Variants in ASIC5 observed in about 807,000 individuals in gnomAD.
ASIC5 encodes the protein acid sensing ion channel subunit family member 5.
Under a neutral mutation model 51.2 loss-of-function variants are expected in ASIC5, and 52 were observed. The ratio of observed to expected loss-of-function variants is 1.02; its 90% CI spans 0.81 to 1.28. ASIC5 has a LOEUF of 1.28. Ranked by LOEUF, ASIC5 falls within the 50% of genes most tolerant of loss-of-function variation. The probability of loss-of-function intolerance (pLI) is 0.00; values close to 1 mark genes in which losing one functional copy is unlikely to be tolerated. For missense variants in ASIC5, 635 were observed against 595.0 expected (o/e 1.07, Z -0.70); for synonymous variants, 231 against 200.7 (o/e 1.15, Z -1.28).
intron 8 of ASIC5, among the ~76,000 whole-genome samples, chr4:155,836,487 T>C (rs1485121247): frequency 6.6e-6 from 1 of 152,206 alleles, no homozygotes; most frequent in Non-Finnish European, 1.5e-5. Context: ...ATCATTTTCC[T>C]TTTCACACAA....
rs1180678609 is a variant in ASIC5, at chr4:155,843,811, G to A, written c.731C>T (p.Pro244Leu). The change falls in exon 5 of 10, where the codon CCA becomes CTA. Residue 244 changes from proline (P) to leucine (L), a missense_variant. By Grantham distance (98) the Pro-to-Leu change is moderately conservative. Coordinates refer to ENST00000537611, the MANE Select transcript of ASIC5 (RefSeq NM_017419.3). ...NVNQEAFTDN[P>L]ALGFVDAGII... ...CCCAGCATCAACGAAACCAAGGGCT[G>A]GGTTATCAGTGAATGCCTCCTGAAA... The A allele has an allele frequency of 1.2e-6, 2 of 1,613,370 alleles. No individual in the cohort carries two copies. Among genetic ancestry groups the A allele is most frequent in the Non-Finnish European group, 1.7e-6 (2 of 1,179,648 alleles).
Position 155,859,796 on chromosome 4 carries a change from A to G in ASIC5, c.347+3652T>C, listed in dbSNP as rs370049270. On this transcript the variant is annotated intron_variant, in intron 2 of 9. Coordinates refer to ENST00000537611, the MANE Select transcript of ASIC5 (RefSeq NM_017419.3). Reference sequence around the variant, plus strand: ...TTCTCCCATATATAGAAAAGTATTAACTTGTCACCCATCACAAATCTTAAC... The same window carrying G: ...TTCTCCCATATATAGAAAAGTATTAGCTTGTCACCCATCACAAATCTTAAC... Among the ~76,000 whole-genome samples, 19 of 152,164 alleles carry G rather than the reference A, an allele frequency of 1.2e-4. No homozygotes were observed. The South Asian group carries it at 3.5e-3, about 28-fold the overall frequency.
At chr4:155,862,392 A>G (rs926184459) in intron 2 of ASIC5, among the ~76,000 whole-genome samples, 16 of 152,132 alleles carry the variant, frequency 1.1e-4, no homozygotes, top group Non-Finnish European at 4.4e-5. Flanking sequence ...AACAACAAAT[A>G]TGTGAAGTAG....
intron 2 of ASIC5, chr4:155,855,462 T>C (rs1419977884): frequency 6.6e-6 from 1 of 152,046 alleles, no homozygotes; most frequent in Non-Finnish European, 1.5e-5. Context: ...ATATGGTTCT[T>C]CATTTGCATG....
intron 7 of ASIC5, among the ~76,000 whole-genome samples, chr4:155,837,445 GA>G: frequency 6.6e-6 from 1 of 152,220 alleles, no homozygotes; most frequent in Admixed American, 6.5e-5. Flanking sequence ...ATGCATACTA[GA>G]AAAAAGTCCC....
chr4:155,857,547 C>A (rs1238035468), intron 2 of ASIC5, among the ~76,000 whole-genome samples: 1 of 152,038 alleles, frequency 6.6e-6, no homozygotes, highest in Non-Finnish European at 1.5e-5. Context: ...AAGAAAATAA[C>A]ACCAAAAATA....
At chr4:155,843,618 G>A in intron 5 of ASIC5, 63 bp downstream of exon 5, 13 of 1,538,984 alleles carry the variant, frequency 8.4e-6, no homozygotes, top group Non-Finnish European at 1.2e-5. Context: ...CTAGTGAAAA[G>A]CATTACTTAT....
At chr4:155,857,083 T>C (rs1354072593) in intron 2 of ASIC5, among the ~76,000 whole-genome samples, 1 of 152,046 alleles carries the variant, frequency 6.6e-6, no homozygotes, top group East Asian at 1.9e-4. Context: ...AGAAATATTG[T>C]TTTGCATAAA....
intron 2 of ASIC5, among the ~76,000 whole-genome samples, chr4:155,860,809 A>G (rs1741683660): frequency 6.6e-6 from 1 of 151,900 alleles, no homozygotes; most frequent in South Asian, 2.1e-4. Context: ...TTAGGTTTCC[A>G]TACCCAAAAT....
At position 155,831,924 on chromosome 4, in the gene ASIC5, A is replaced by G. The variant is rs2111222065; in HGVS notation, c.1236-9T>C. The G allele has an allele frequency of 3.6e-6, 5 of 1,398,330 alleles. No individual in the cohort carries two copies. In the East Asian group the frequency reaches 1.2e-4, roughly 32 times the overall value. 86.6% of individuals were successfully genotyped at this position (1,398,330 alleles called of 1,614,324 possible). A position where few individuals can be genotyped will look rare whatever the true frequency, so the allele number is the denominator to read the frequency against. On this transcript the variant is annotated splice_polypyrimidine_tract_variant and intron_variant, in intron 8 of 9. Coordinates refer to ENST00000537611, the MANE Select transcript of ASIC5 (RefSeq NM_017419.3). The stretch of plus-strand genomic sequence containing the variant: ...TTTTTACAAGATTCTCCCTAGGGAT[A>G]AAAAAGAGAGTTAATATAGCTTAAG...
At chr4:155,835,779 C>G (rs1033639478) in intron 8 of ASIC5, among the ~76,000 whole-genome samples, 1 of 152,076 alleles carries the variant, frequency 6.6e-6, no homozygotes, top group African/African-American at 2.4e-5. Flanking sequence ...GATGAAAATG[C>G]TTTTTCTTTC....
At chr4:155,838,911 G>T (rs760517868) in intron 6 of ASIC5, 42 bp from the exon 7 acceptor site, 1 of 1,117,084 alleles carries the variant, frequency 9.0e-7, no homozygotes, top group East Asian at 2.5e-5. Flanking sequence ...TTTACATTTT[G>T]TAAAATAAGT....
intron 8 of ASIC5, among the ~76,000 whole-genome samples, chr4:155,832,875 T>C (rs1740901270): frequency 6.6e-6 from 1 of 152,202 alleles, no homozygotes; most frequent in South Asian, 2.1e-4. Flanking sequence ...GGTCTTTCTG[T>C]TTCCAACTTT....
intron 4 of ASIC5, among the ~76,000 whole-genome samples, chr4:155,847,435 T>C (rs1343920948): frequency 6.6e-6 from 1 of 151,984 alleles, no homozygotes; most frequent in Admixed American, 6.6e-5. Flanking sequence ...ATAAAATGCA[T>C]TCCTGGCCAG....
intron 8 of ASIC5, among the ~76,000 whole-genome samples, 192 bp from the exon 9 acceptor site, chr4:155,832,107 T>C (rs1268591624): frequency 1.3e-5 from 2 of 152,216 alleles, no homozygotes; most frequent in Non-Finnish European, 2.9e-5. Flanking sequence ...GAAAAAATAA[T>C]TTTCCCCAAT....
chr4:155,831,871 T>C lies in ASIC5; in HGVS notation c.1280A>G (p.Tyr427Cys), dbSNP rs1018894168. ...CGCCTTTTGCTGCTGGGTTATCTTA[T>C]AGTTTAGGTCACTATAGTTAATTTC... ...KIEINYSDLNYKITQQQKAVS... is the reference protein window; with the variant it reads ...KIEINYSDLNCKITQQQKAVS... Residue 427 changes from tyrosine to cysteine, a missense_variant, in exon 9 of 10, where the codon TAT (tyrosine) becomes TGT (cysteine). Coordinates refer to ENST00000537611, the MANE Select transcript of ASIC5 (RefSeq NM_017419.3). 8 of 1,609,348 alleles carry C rather than the reference T, an allele frequency of 5.0e-6. No individual in the cohort carries two copies. The highest frequency in any genetic ancestry group is 6.8e-6 in the Non-Finnish European group (8 of 1,176,168).
chr4:155,847,893 C>T (rs781506961), intron 4 of ASIC5, among the ~76,000 whole-genome samples: 6 of 152,056 alleles, frequency 3.9e-5, no homozygotes, highest in East Asian at 3.9e-4. Flanking sequence ...AAATTAATCA[C>T]GACTGTCAAA....
chr4:155,831,003 T>C lies in ASIC5; in HGVS notation c.1327+821A>G, dbSNP rs548943851. On this transcript the variant is annotated intron_variant, in intron 9 of 9. Transcript: ENST00000537611. Reference sequence around the variant, plus strand: ...TGTGATGTCTGACTGCTATCACTTTTGCCTGAGTCTAAGGCCTTCTTCTGT... The same window carrying C: ...TGTGATGTCTGACTGCTATCACTTTCGCCTGAGTCTAAGGCCTTCTTCTGT... Among the ~76,000 whole-genome samples, 3 of 152,344 alleles carry C rather than the reference T, an allele frequency of 2.0e-5. No homozygotes were observed. The South Asian group carries it at 6.2e-4, about 32-fold the overall frequency.
At chr4:155,852,896 T>A (rs1486484999) in intron 3 of ASIC5, among the ~76,000 whole-genome samples, 2 of 152,124 alleles carry the variant, frequency 1.3e-5, no homozygotes, top group Non-Finnish European at 2.9e-5. Flanking sequence ...TAAACTCTGA[T>A]AATGAGTCTA....
Sources: allele counts gnomAD v4.1 joint callset (sites outside exome capture counted in the v4.1 genomes callset), GRCh38; gene constraint gnomAD v4.1.1; transcripts MANE v1.5; gene names NCBI Gene and HGNC (gene_info 2026-07-23, HGNC 2026-07-21).